The following COG7 variants were observed in gnomAD, a reference collection of about 807,000 sequenced individuals.
COG7 encodes the protein component of oligomeric golgi complex 7, also known as conserved oligomeric Golgi complex subunit 7.
A neutral mutation model predicts 91.5 loss-of-function variants in COG7; 49 were observed. That is an observed-to-expected ratio of 0.54 (90% confidence interval 0.43 to 0.68). The LOEUF (loss-of-function observed/expected upper bound fraction) is 0.68. COG7 is among the 30% of genes least tolerant of loss of function. The pLI is 0.00. For synonymous variants in COG7, 365 were observed against 388.7 expected (o/e 0.94, Z 0.72); for missense variants, 895 against 961.3 (o/e 0.93, Z 0.91).
intron 14 of COG7, among the ~76,000 whole-genome samples, chr16:23,393,933 C>T (rs956709376): frequency 6.6e-6 from 1 of 151,192 alleles, no homozygotes; most frequent in East Asian, 2.0e-4. Flanking sequence ...CCCAGCTACT[C>T]GGGAGGCTGA....
intron 6 of COG7, among the ~76,000 whole-genome samples, chr16:23,433,343 G>A (rs754585663): frequency 6.6e-6 from 1 of 152,012 alleles, no homozygotes; most frequent in South Asian, 2.1e-4. Flanking sequence ...CGCCCACTTC[G>A]ACCTTCCAAA....
chr16:23,412,543 C>T (rs932412952), intron 10 of COG7: 1 of 152,284 alleles, frequency 6.6e-6, no homozygotes, highest in African/African-American at 2.4e-5. Flanking sequence ...CAAATCTTCT[C>T]AGGCAACTGC....
In COG7 at chr16:23,445,079, C is replaced by T; in HGVS notation, c.404G>A (p.Ser135Asn). 1 of 1,614,100 alleles carries T rather than the reference C, an allele frequency of 6.2e-7. No individual in the cohort carries two copies. The highest frequency in any genetic ancestry group is 1.6e-4 in the Middle Eastern group (1 of 6,062). The part of the protein sequence containing the change: ...LQEADKWSTL[S>N]ADIEETFKTQ... ...CTTAAATGTCTCCTCAATATCGGCG[C>T]TCAACGTGCTCCACTTATCTGCTTC... The change falls in exon 3 of 17, where the codon AGC becomes AAC. Residue 135 changes from serine to asparagine, a missense_variant. Physicochemically the swap from Ser to Asn is conservative, Grantham distance 46 (BLOSUM62 1). Coordinates refer to ENST00000307149, the MANE Select transcript of COG7 (RefSeq NM_153603.4).
chr16:23,449,350 G>A (rs1028355348), intron 1 of COG7, among the ~76,000 whole-genome samples: 5 of 145,900 alleles, frequency 3.4e-5, no homozygotes, highest in South Asian at 2.1e-4. Context: ...GCGACAGAGC[G>A]AGACTCCATC....
chr16:23,413,068 G>A (rs571337514), intron 10 of COG7: 3 of 275,786 alleles, frequency 1.1e-5, no homozygotes, highest in Non-Finnish European at 1.4e-5. Context: ...ATGGTTCTCA[G>A]ATCCAGAAAC....
rs1017189502 is a variant in COG7 at position 23,445,996 on chromosome 16, C to T, written c.170-35G>A. On this transcript the variant is annotated intron_variant, in intron 1 of 16. Coordinates refer to ENST00000307149, the MANE Select transcript of COG7 (RefSeq NM_153603.4). ...AAAAAAAAAAAAAAAACAACAACAACAGCGATAGCCACAAAAGGTGAAAGT... is the reference window on the plus strand; with the variant it reads ...AAAAAAAAAAAAAAAACAACAACAATAGCGATAGCCACAAAAGGTGAAAGT... The T allele has an allele frequency of 1.9e-6, 3 of 1,586,742 alleles. No individual in the cohort carries two copies. In the African/African-American group the frequency reaches 4.1e-5, roughly 22 times the overall value.
chr16:23,413,209 G>A, intron 10 of COG7: 1 of 457,466 alleles, frequency 2.2e-6, no homozygotes, highest in South Asian at 2.3e-5. Flanking sequence ...TAAAGGAGAT[G>A]AGGCATTTGT....
At chr16:23,435,687 G>C (rs1339346384) in intron 4 of COG7, among the ~76,000 whole-genome samples, 1 of 152,112 alleles carries the variant, frequency 6.6e-6, no homozygotes, top group African/African-American at 2.4e-5. Context: ...GGAAAAAAAA[G>C]CCTTGAGCTA....
chr16:23,427,270 CA>C (rs1403937849), intron 6 of COG7, among the ~76,000 whole-genome samples: 2 of 148,088 alleles, frequency 1.4e-5, no homozygotes, highest in African/African-American at 2.5e-5. Flanking sequence ...AACAAACAAA[CA>C]AAAAAAAACC....
intron 11 of COG7, among the ~76,000 whole-genome samples, chr16:23,407,915 G>A (rs1435247336): frequency 6.6e-6 from 1 of 151,246 alleles, no homozygotes; most frequent in Non-Finnish European, 1.5e-5. Flanking sequence ...CCTCCTCTGT[G>A]CACACTGCGT....
chr16:23,446,069 G>T, intron 1 of COG7, 108 bp from the exon 2 acceptor site: 1 of 1,326,580 alleles, frequency 7.5e-7, no homozygotes, highest in Non-Finnish European at 1.0e-6. Context: ...ACAACAGAAA[G>T]GAAATGCACG....
intron 6 of COG7, among the ~76,000 whole-genome samples, chr16:23,425,317 T>A (rs1286236448): frequency 2.0e-5 from 3 of 151,920 alleles, no homozygotes; most frequent in Admixed American, 1.3e-4. Context: ...CTCAAAAAAA[T>A]AAAAATTAAA....
intron 9 of COG7, chr16:23,414,872 T>C (rs1254969747): frequency 1.3e-5 from 2 of 152,110 alleles, no homozygotes; most frequent in African/African-American, 2.4e-5. Flanking sequence ...CCTGTGACAT[T>C]TGCATGCATC....
chr16:23,393,551 G>A (rs1963235461), intron 14 of COG7: 1 of 585,970 alleles, frequency 1.7e-6, no homozygotes, highest in African/African-American at 1.9e-5. Context: ...ATAGATTATA[G>A]ATTCATCCTT....
intron 6 of COG7, among the ~76,000 whole-genome samples, chr16:23,427,459 G>A (rs1963866786): frequency 1.3e-5 from 2 of 150,402 alleles, no homozygotes; most frequent in African/African-American, 4.9e-5. Context: ...GGGCAACAGA[G>A]AGAAACTCTG....
chr16:23,411,820 T>C (rs530798191), intron 10 of COG7, among the ~76,000 whole-genome samples: 1 of 152,168 alleles, frequency 6.6e-6, no homozygotes, highest in South Asian at 2.1e-4. Context: ...TGAACGGCCA[T>C]TTCTCTCTTG....
chr16:23,410,864 C>T (rs1356853234), intron 10 of COG7, among the ~76,000 whole-genome samples: 5 of 152,118 alleles, frequency 3.3e-5, no homozygotes, highest in Non-Finnish European at 7.3e-5. Flanking sequence ...CGCCACCACG[C>T]CTGGCTAATT....
chr16:23,404,430 C>CT (rs1963426600), intron 12 of COG7, among the ~76,000 whole-genome samples: 1 of 152,214 alleles, frequency 6.6e-6, no homozygotes. Flanking sequence ...AACAGAGTTG[C>CT]TTTAACCTAA....
intron 15 of COG7, 60 bp downstream of exon 15, chr16:23,393,172 GT>G: frequency 8.0e-7 from 1 of 1,257,112 alleles, no homozygotes; most frequent in South Asian, 1.2e-5. Context: ...GTCATCTGGA[GT>G]TTCTACCCTG....
Sources: allele counts gnomAD v4.1 joint callset (sites outside exome capture counted in the v4.1 genomes callset), GRCh38; gene constraint gnomAD v4.1.1; transcripts MANE v1.5; gene names NCBI Gene and HGNC (gene_info 2026-07-23, HGNC 2026-07-21).